The following FCHSD2 variants were observed in gnomAD, a reference collection of about 807,000 sequenced individuals.
FCHSD2 encodes F-BAR and double SH3 domains protein 2.
A neutral mutation model predicts 108.1 loss-of-function variants in FCHSD2; 38 were observed. The ratio of observed to expected loss-of-function variants is 0.35; its 90% CI spans 0.27 to 0.46. FCHSD2 has a LOEUF of 0.46. FCHSD2 is among the 20% of genes least tolerant of loss of function. The pLI is 1.00. For synonymous variants in FCHSD2, 279 were observed against 314.7 expected, an observed-to-expected ratio of 0.89 and a Z score of 1.20; for missense variants, 751 against 897.8, an observed-to-expected ratio of 0.84 and a Z score of 2.09.
intron 2 of FCHSD2, among the ~76,000 whole-genome samples, chr11:73,108,584 C>T (rs895103578): frequency 6.6e-6 from 1 of 152,078 alleles, no homozygotes; most frequent in African/African-American, 2.4e-5. Context: ...GTTTTTGAGA[C>T]GGAGTCTCGC....
At chr11:72,958,413 G>A (rs1856755433) in intron 8 of FCHSD2, among the ~76,000 whole-genome samples, 2 of 152,272 alleles carry the variant, frequency 1.3e-5, no homozygotes, top group Admixed American at 1.3e-4. Flanking sequence ...AGGTATTTGG[G>A]AGGCTGAGGC....
At chr11:72,840,568 A>C (rs552768830) in intron 19 of FCHSD2, among the ~76,000 whole-genome samples, 1 of 152,328 alleles carries the variant, frequency 6.6e-6, no homozygotes, top group African/African-American at 2.4e-5. Context: ...ATGCTTACTG[A>C]AAAAAGTGTT....
chr11:73,045,823 A>C (rs1195270950), intron 3 of FCHSD2, among the ~76,000 whole-genome samples: 1 of 146,748 alleles, frequency 6.8e-6, no homozygotes, highest in Non-Finnish European at 1.5e-5. Context: ...ATGCTAGATG[A>C]TGAGTTAGTG....
intron 8 of FCHSD2, among the ~76,000 whole-genome samples, chr11:72,938,836 G>T (rs1856355949): frequency 6.6e-6 from 1 of 151,948 alleles, no homozygotes; most frequent in African/African-American, 2.4e-5. Flanking sequence ...TATCATTTTG[G>T]TTTTTGTTTT....
At chr11:72,894,261 G>T (rs1214763610) in intron 10 of FCHSD2, among the ~76,000 whole-genome samples, 1 of 152,096 alleles carries the variant, frequency 6.6e-6, no homozygotes, top group Non-Finnish European at 1.5e-5. Flanking sequence ...GAAATATACT[G>T]GGGCTGGGCA....
chr11:73,109,798 A>G (rs1323664694), intron 2 of FCHSD2, among the ~76,000 whole-genome samples: 2 of 152,172 alleles, frequency 1.3e-5, no homozygotes, highest in Non-Finnish European at 2.9e-5. Context: ...AAAGGCTTTC[A>G]GTCTTCCCCA....
rs185960628 is a variant in FCHSD2 at position 72,842,466 on chromosome 11, T to A, written c.1926+155A>T. Among the ~76,000 whole-genome samples, 928 of 152,332 alleles carry A rather than the reference T, an allele frequency of 6.1e-3. 4 individuals carry two copies. The highest frequency in any genetic ancestry group is 9.2e-3 in the Non-Finnish European group (626 of 68,028). ...TCCACAAGGGACTGACTGACAAGTC[T>A]CTGGTTTCCCAAATGCAGTTGTGCA... On this transcript the variant is annotated intron_variant, in intron 17 of 19. Transcript: ENST00000409418.
intron 13 of FCHSD2, among the ~76,000 whole-genome samples, chr11:72,863,560 A>C (rs531539126): frequency 6.6e-6 from 1 of 152,346 alleles, no homozygotes; most frequent in South Asian, 2.1e-4. Context: ...AAATAAAAAA[A>C]TAAGCCACAG....
At chr11:73,085,573 C>A (rs1054592763) in intron 2 of FCHSD2, among the ~76,000 whole-genome samples, 4 of 152,076 alleles carry the variant, frequency 2.6e-5, no homozygotes, top group African/African-American at 9.7e-5. Context: ...CTAACGCAAC[C>A]ACATTTAAGG....
chr11:73,125,519 C>T (rs929220990), intron 2 of FCHSD2, among the ~76,000 whole-genome samples: 1 of 151,890 alleles, frequency 6.6e-6, no homozygotes, highest in Non-Finnish European at 1.5e-5. Context: ...GCCTGGGAGA[C>T]ATAGTAAGAC....
rs545354934 is a variant in FCHSD2 at position 72,906,183 on chromosome 11, G to C, written c.829-3545C>G. Reference sequence around the variant, plus strand: ...GATTTGCATTTCTCTGATGACCAGTGATGATGAGCATTTTTTCATGTCTGT... The same window carrying C: ...GATTTGCATTTCTCTGATGACCAGTCATGATGAGCATTTTTTCATGTCTGT... On this transcript the variant is annotated intron_variant, in intron 9 of 19. Transcript: ENST00000409418. Among the ~76,000 whole-genome samples the C allele has an allele frequency of 3.5e-4, 53 of 152,314 alleles. 1 individual carries two copies. In the East Asian group the frequency reaches 0.01, roughly 29 times the overall value.
At chr11:72,919,339 T>C (rs1855935858) in intron 9 of FCHSD2, among the ~76,000 whole-genome samples, 1 of 152,212 alleles carries the variant, frequency 6.6e-6, no homozygotes, top group African/African-American at 2.4e-5. Context: ...TTATTCCTCA[T>C]TTCTGGGGAG....
chr11:73,111,763 T>C (rs993887072), intron 2 of FCHSD2, among the ~76,000 whole-genome samples: 5 of 152,154 alleles, frequency 3.3e-5, no homozygotes, highest in South Asian at 2.1e-4. Flanking sequence ...ATCTGTTATA[T>C]GATTTTTGAT....
At chr11:73,043,919 C>G (rs896037582) in intron 3 of FCHSD2, among the ~76,000 whole-genome samples, 4 of 152,140 alleles carry the variant, frequency 2.6e-5, no homozygotes, top group African/African-American at 7.2e-5. Flanking sequence ...ATTAAAGGAG[C>G]CTGGATCATT....
At chr11:72,923,769 G>A (rs966489406) in intron 8 of FCHSD2, among the ~76,000 whole-genome samples, 12 of 151,920 alleles carry the variant, frequency 7.9e-5, no homozygotes, top group South Asian at 2.1e-4. Context: ...GTGAAACCCC[G>A]TCTCTACTAA....
At chr11:72,866,748 G>A (rs537599820) in intron 13 of FCHSD2, among the ~76,000 whole-genome samples, 1 of 152,328 alleles carries the variant, frequency 6.6e-6, no homozygotes, top group South Asian at 2.1e-4. Flanking sequence ...ATGTGCAAGT[G>A]TATTCTCATT....
intron 8 of FCHSD2, among the ~76,000 whole-genome samples, chr11:72,967,322 T>G (rs2135380347): frequency 6.6e-6 from 1 of 151,630 alleles, no homozygotes; most frequent in East Asian, 1.9e-4. Flanking sequence ...AGAATAGAGA[T>G]AGGCTGGTAA....
intron 10 of FCHSD2, among the ~76,000 whole-genome samples, chr11:72,900,574 A>T (rs1402497926): frequency 6.6e-6 from 1 of 152,146 alleles, no homozygotes; most frequent in Non-Finnish European, 1.5e-5. Context: ...ACACTTGTCT[A>T]TACCCTGTAT....
chr11:72,953,965 T>C (rs1427339845), intron 8 of FCHSD2, among the ~76,000 whole-genome samples: 2 of 152,246 alleles, frequency 1.3e-5, no homozygotes, highest in South Asian at 2.1e-4. Context: ...AGGACTTTGA[T>C]AAGAATTCTG....
Sources: allele counts gnomAD v4.1 joint callset (sites outside exome capture counted in the v4.1 genomes callset), GRCh38; gene constraint gnomAD v4.1.1; transcripts MANE v1.5; gene names NCBI Gene and HGNC (gene_info 2026-07-23, HGNC 2026-07-21).